Variants in ZCRB1 observed in about 807,000 individuals in gnomAD.
ZCRB1 encodes the protein zinc finger CCHC-type and RNA-binding motif-containing protein 1.
ZCRB1 carries 21 observed loss-of-function variants against 29.9 expected under a neutral mutation model. That is an observed-to-expected ratio of 0.70 (90% CI 0.50 to 1.01). The LOEUF is 1.01. ZCRB1 is among the 50% of genes least tolerant of loss of function. The pLI is 0.00. For synonymous variants in ZCRB1, 77 were observed against 80.0 expected, an observed-to-expected ratio of 0.96 and a Z score of 0.20; for missense variants, 204 against 253.3, an observed-to-expected ratio of 0.81 and a Z score of 1.32.
chr12:42,323,922 G>GAAA, intron 2 of ZCRB1, 97 bp downstream of exon 2: 31 of 881,694 alleles, frequency 3.5e-5, no homozygotes, highest in Admixed American at 5.5e-5. Context: ...CTCAAAAAAA[G>GAAA]AAAAAAAAAA....
chr12:42,323,234 T>C (rs2068630252), intron 2 of ZCRB1, among the ~76,000 whole-genome samples: 1 of 152,230 alleles, frequency 6.6e-6, no homozygotes, highest in Non-Finnish European at 1.5e-5. Flanking sequence ...TTAGCAACAC[T>C]GGGTTCTGAA....
At chr12:42,318,898 G>C (rs1179601525) in intron 3 of ZCRB1, among the ~76,000 whole-genome samples, 1 of 152,082 alleles carries the variant, frequency 6.6e-6, no homozygotes, top group African/African-American at 2.4e-5. Flanking sequence ...TAAATTATAA[G>C]CCACAGAGAA....
intron 7 of ZCRB1, among the ~76,000 whole-genome samples, 163 bp from the exon 8 acceptor site, chr12:42,313,361 C>T (rs569418966): frequency 6.6e-6 from 1 of 152,296 alleles, no homozygotes; most frequent in South Asian, 2.1e-4. Context: ...TCTGTCTCAT[C>T]TCAAAATCTT....
At chr12:42,323,825 A>T (rs755122225) in intron 2 of ZCRB1, 194 bp downstream of exon 2, 5 of 566,708 alleles carry the variant, frequency 8.8e-6, no homozygotes, top group African/African-American at 7.7e-5. Flanking sequence ...AGGTGGGAGG[A>T]TCACCTGAGG....
chr12:42,323,399 T>C (rs1335107421), intron 2 of ZCRB1, among the ~76,000 whole-genome samples: 1 of 152,028 alleles, frequency 6.6e-6, no homozygotes, highest in Non-Finnish European at 1.5e-5. Flanking sequence ...GTTTGTCCTC[T>C]AGAATTTGCA....
intron 3 of ZCRB1, among the ~76,000 whole-genome samples, chr12:42,319,100 A>G (rs1048052521): frequency 2.0e-4 from 30 of 152,150 alleles, no homozygotes; most frequent in Admixed American, 2.0e-4. Context: ...AATTTTTCGT[A>G]ATGTTTGTGA....
chr12:42,313,741 A>G lies in ZCRB1; in HGVS notation c.471T>C (p.Asp157=). ...EEIEEVEESE[D]EGEDPALDSL... ...TGTCAAGAGCAGGATCCTCCCCTTC[A>G]TCTTCACTTTCTTCTACTTCCTCAC... Residue 157 remains aspartate (D), a synonymous_variant, in exon 7 of 8, where the codon GAT becomes GAC. Transcript: ENST00000266529. 1 of 1,614,086 alleles carries G rather than the reference A, an allele frequency of 6.2e-7. No homozygotes were observed. Among genetic ancestry groups the G allele is most frequent in the Non-Finnish European group, 8.5e-7 (1 of 1,179,980 alleles).
intron 3 of ZCRB1, among the ~76,000 whole-genome samples, chr12:42,322,093 T>A (rs2068624565): frequency 6.6e-6 from 1 of 152,196 alleles, no homozygotes; most frequent in Non-Finnish European, 1.5e-5. Flanking sequence ...TTACTTATAG[T>A]ATACTTGATA....
intron 5 of ZCRB1, among the ~76,000 whole-genome samples, chr12:42,314,578 G>A (rs1240440714): frequency 1.3e-4 from 17 of 133,082 alleles, no homozygotes; most frequent in East Asian, 4.5e-4. Flanking sequence ...GCAAAACTCC[G>A]TCTCAAAAAA....
Position 42,312,217 on chromosome 12 carries a change from A to G in ZCRB1, c.*850T>C, listed in dbSNP as rs1266031128. On this transcript the variant is annotated 3_prime_UTR_variant, in exon 8 of 8. Coordinates refer to ENST00000266529, the MANE Select transcript of ZCRB1 (RefSeq NM_033114.4). ...ATGGGCATTCTTACAAAGTTAAACA[A>G]TATAGAAATATACAAAGCAGAAAAT... 2 of 152,202 alleles carry G rather than the reference A, an allele frequency of 1.3e-5. No individual in the cohort carries two copies. The highest frequency in any genetic ancestry group is 4.8e-5 in the African/African-American group (2 of 41,464). The allele number at this position is 152,202 out of a possible 1,614,324, so 9.4% of individuals were successfully genotyped here. A position where few individuals can be genotyped will look rare whatever the true frequency, so the allele number is the denominator to read the frequency against.
intron 3 of ZCRB1, among the ~76,000 whole-genome samples, chr12:42,320,169 A>T (rs1443629244): frequency 6.6e-6 from 1 of 152,242 alleles, no homozygotes; most frequent in Non-Finnish European, 1.5e-5. Context: ...TTAAGCACAT[A>T]ATATGAAGCA....
chr12:42,319,409 C>G (rs1009629788), intron 3 of ZCRB1, among the ~76,000 whole-genome samples: 10 of 152,154 alleles, frequency 6.6e-5, no homozygotes, highest in African/African-American at 2.2e-4. Flanking sequence ...GTCCCACTGT[C>G]AGTATCCTTG....
intron 5 of ZCRB1, among the ~76,000 whole-genome samples, chr12:42,316,550 G>A (rs1312079615): frequency 6.6e-6 from 1 of 152,138 alleles, no homozygotes; most frequent in African/African-American, 2.4e-5. Flanking sequence ...GATAATGACA[G>A]ATCATGAAGA....
rs2068573950 is a variant in ZCRB1 at position 42,312,420 on chromosome 12, A to G, written c.*647T>C. 1 of 152,208 alleles carries G rather than the reference A, an allele frequency of 6.6e-6. No individual in the cohort carries two copies. The highest frequency in any genetic ancestry group is 6.5e-5 in the Admixed American group (1 of 15,282). The allele number at this position is 152,208 out of a possible 1,614,324, so 9.4% of individuals were successfully genotyped here. On this transcript the variant is annotated 3_prime_UTR_variant, in exon 8 of 8. Transcript: ENST00000266529. The stretch of plus-strand genomic sequence containing the variant: ...AAAAGTATTTACTTGGTTATTAAAA[A>G]AGATATATATGGATTCCCCCAAATT...
intron 1 of ZCRB1, among the ~76,000 whole-genome samples, chr12:42,325,177 G>A (rs1257242869): frequency 6.6e-6 from 1 of 152,180 alleles, no homozygotes; most frequent in African/African-American, 2.4e-5. Context: ...AGACCACTGT[G>A]GTATATGTGG....
At chr12:42,321,157 A>T (rs945903145) in intron 3 of ZCRB1, among the ~76,000 whole-genome samples, 1 of 152,186 alleles carries the variant, frequency 6.6e-6, no homozygotes, top group Non-Finnish European at 1.5e-5. Flanking sequence ...GGCTCTCTAG[A>T]CTAGATAGTC....
Position 42,313,961 on chromosome 12 carries a change from C to T in ZCRB1, c.359G>A (p.Cys120Tyr). 1 of 1,601,954 alleles carries T rather than the reference C, an allele frequency of 6.2e-7. No homozygotes were observed. The highest frequency in any genetic ancestry group is 8.5e-7 in the Non-Finnish European group (1 of 1,177,628). The change falls in exon 6 of 8, where the codon TGT (cysteine) becomes TAT (tyrosine). Residue 120 changes from cysteine (C) to tyrosine (Y), a missense_variant. Transcript: ENST00000266529. Reference protein sequence around the residue: ...CGESGHLSYACPKNMLGEREP... With the variant: ...CGESGHLSYAYPKNMLGEREP... ...ACGTTCTCCGAGCATATTTTTCGGA[C>T]AGGCATAACTTAAGTGTCCACTTTC... is the stretch of plus-strand genomic sequence containing the variant.
At chr12:42,313,654 T>C in intron 7 of ZCRB1, 36 bp downstream of exon 7, 1 of 1,602,412 alleles carries the variant, frequency 6.2e-7, no homozygotes, top group Non-Finnish European at 8.5e-7. Context: ...CCAAGTCAAC[T>C]ATTGTATGAT....
In ZCRB1 at chr12:42,317,404, C is replaced by T. The variant is rs1318228514; in HGVS notation, c.269G>A (p.Gly90Glu). 1.9e-6 allele frequency: 3 copies of T among 1,612,638 alleles called. No homozygotes were observed. The highest frequency in any genetic ancestry group is 2.5e-6 in the Non-Finnish European group (3 of 1,179,614). Residue 90 changes from glycine to glutamate, a missense_variant, in exon 5 of 8, where the codon GGA becomes GAA. By Grantham distance (98) the Gly-to-Glu change is moderately conservative. Transcript: ENST00000266529. ...VIKASIAIDN[G>E]RAAEFIRRRN... ...CCTTCGGATGAACTCAGCTGCTCTT[C>T]CATTGTCAATAGCAATGCTTGCTTT... is the stretch of plus-strand genomic sequence containing the variant.
Sources: gnomAD v4.1 joint callset for allele counts (sites outside exome capture counted in the v4.1 genomes callset) on GRCh38, gnomAD v4.1.1 for gene constraint, MANE v1.5 for transcripts, NCBI Gene and HGNC (gene_info 2026-07-23, HGNC 2026-07-21) for gene names.